SYNDIG1L: variants seen among roughly 807,000 people sequenced by gnomAD.
SYNDIG1L encodes synapse differentiation inducing 1 like, also known as synapse differentiation-inducing gene protein 1-like.
In SYNDIG1L, 13 loss-of-function variants were observed where a neutral mutation model predicts 20.1. That is an observed-to-expected ratio of 0.65 (90% CI 0.42 to 1.03). SYNDIG1L has a LOEUF of 1.03. SYNDIG1L is among the 50% of genes least tolerant of loss of function. The pLI is 0.00. For synonymous variants in SYNDIG1L, 128 were observed against 129.3 expected (o/e 0.99, Z 0.07); for missense variants, 294 against 305.1 (o/e 0.96, Z 0.27).
intron 3 of SYNDIG1L, 32 bp from the exon 4 acceptor site, chr14:74,407,725 T>C (rs769586742): frequency 6.3e-7 from 1 of 1,581,646 alleles, no homozygotes; most frequent in Non-Finnish European, 8.6e-7. Flanking sequence ...TGAACAGGAG[T>C]GTCCCCACAC....
chr14:74,431,239 G>C, the SYNDIG1L span, among the ~76,000 whole-genome samples: 96 of 151,894 alleles, frequency 6.3e-4, 1 homozygote, highest in Admixed American at 5.8e-3. Context: ...GCATGTGCGT[G>C]TGTGTGTGTG....
chr14:74,449,799 AATG>A, the SYNDIG1L span, among the ~76,000 whole-genome samples: 1 of 152,104 alleles, frequency 6.6e-6, no homozygotes, highest in Non-Finnish European at 1.5e-5. Flanking sequence ...AAAGTCTCAA[AATG>A]ATGATCTCAA....
chr14:74,417,718 T>C (rs1444890909), intron 1 of SYNDIG1L, among the ~76,000 whole-genome samples: 2 of 152,230 alleles, frequency 1.3e-5, no homozygotes, highest in African/African-American at 4.8e-5. Context: ...AGGGCATAAC[T>C]GCATGGAGCT....
the SYNDIG1L span, among the ~76,000 whole-genome samples, chr14:74,478,048 T>A: frequency 2.0e-5 from 3 of 152,256 alleles, no homozygotes; most frequent in Non-Finnish European, 2.9e-5. Context: ...TTTGCTCTGA[T>A]GGAAGGGTAT....
At chr14:74,460,359 C>T in the SYNDIG1L span, among the ~76,000 whole-genome samples, 123 of 152,038 alleles carry the variant, frequency 8.1e-4, no homozygotes, top group Non-Finnish European at 1.1e-3. Context: ...ATGTCACATC[C>T]CCAGGGACCC....
At chr14:74,457,478 A>C in the SYNDIG1L span, among the ~76,000 whole-genome samples, 1 of 151,236 alleles carries the variant, frequency 6.6e-6, no homozygotes, top group Non-Finnish European at 1.5e-5. Context: ...CCCTCCTTCC[A>C]TCCTCTGCGG....
At chr14:74,419,020 T>C (rs77331948) in intron 1 of SYNDIG1L, among the ~76,000 whole-genome samples, 288 of 152,296 alleles carry the variant, frequency 1.9e-3, no homozygotes, top group African/African-American at 6.8e-3. Context: ...CAGCAACAGA[T>C]CACTGGCACA....
the SYNDIG1L span, among the ~76,000 whole-genome samples, chr14:74,431,753 T>G: frequency 5.3e-5 from 8 of 152,154 alleles, no homozygotes; most frequent in Non-Finnish European, 1.2e-4. Flanking sequence ...AACTTCAAAA[T>G]GTACAGAGAA....
chr14:74,463,374 CAG>C, the SYNDIG1L span, among the ~76,000 whole-genome samples: 3 of 152,146 alleles, frequency 2.0e-5, no homozygotes, highest in African/African-American at 7.2e-5. Flanking sequence ...CAGGGTTCTG[CAG>C]AGTGTCCCTT....
At chr14:74,470,143 A>G in the SYNDIG1L span, among the ~76,000 whole-genome samples, 1 of 152,062 alleles carries the variant, frequency 6.6e-6, no homozygotes, top group African/African-American at 2.4e-5. Context: ...TCTGGCAACA[A>G]GTCTCTGTGC....
At chr14:74,410,402 G>A (rs1364442590) in intron 1 of SYNDIG1L, among the ~76,000 whole-genome samples, 2 of 152,196 alleles carry the variant, frequency 1.3e-5, no homozygotes, top group East Asian at 3.8e-4. Flanking sequence ...GTGTGGTGCA[G>A]GGCACAGATG....
At chr14:74,462,275 G>C in the SYNDIG1L span, among the ~76,000 whole-genome samples, 7 of 151,660 alleles carry the variant, frequency 4.6e-5, no homozygotes, top group Admixed American at 1.3e-4. Context: ...CCTGAGGTCA[G>C]GAGTTCGAGA....
At position 74,407,974 on chromosome 14, in the gene SYNDIG1L, T is replaced by C; in HGVS notation, c.433A>G (p.Thr145Ala). 3 of 1,612,068 alleles carry C rather than the reference T, an allele frequency of 1.9e-6. No individual in the cohort carries two copies. Among genetic ancestry groups the C allele is most frequent in the East Asian group, 2.2e-5 (1 of 44,856 alleles). ...QEEEESDATS[T>A]ESESEDNFLT... ...AAGTTGTCTTCACTTTCACTCTCCG[T>C]TGAAGTGGCATCGCTCTGCAAAACA... The change falls in exon 3 of 4, where the codon ACG (threonine) becomes GCG (alanine). Residue 145 changes from threonine (T) to alanine (A), a missense_variant. Coordinates refer to ENST00000331628, the MANE Select transcript of SYNDIG1L (RefSeq NM_001105579.2).
At chr14:74,408,938 G>A (rs375380072) in intron 2 of SYNDIG1L, among the ~76,000 whole-genome samples, 5 of 152,026 alleles carry the variant, frequency 3.3e-5, no homozygotes, top group Non-Finnish European at 5.9e-5. Flanking sequence ...TCAAAGCATC[G>A]GCTGTACATG....
chr14:74,436,205 CTTGAAATCCCTTACCCCACTCAT>C, the SYNDIG1L span, among the ~76,000 whole-genome samples: 2 of 149,118 alleles, frequency 1.3e-5, no homozygotes, highest in African/African-American at 5.0e-5. Flanking sequence ...ATTCTGCTTC[CTTGAAATCCCTTACCCCACTCAT>C]TTTTTTTTTT....
At chr14:74,442,799 G>A in the SYNDIG1L span, among the ~76,000 whole-genome samples, 1 of 152,204 alleles carries the variant, frequency 6.6e-6, no homozygotes, top group Non-Finnish European at 1.5e-5. Context: ...ACAGGATTTT[G>A]TAAGAGATTA....
the SYNDIG1L span, among the ~76,000 whole-genome samples, chr14:74,463,513 T>C: frequency 2.0e-5 from 3 of 152,184 alleles, no homozygotes; most frequent in Non-Finnish European, 4.4e-5. Flanking sequence ...CTCTTCCCAC[T>C]GTCGTCAGTT....
chr14:74,454,237 T>C, the SYNDIG1L span, among the ~76,000 whole-genome samples: 4 of 152,234 alleles, frequency 2.6e-5, no homozygotes, highest in Non-Finnish European at 5.9e-5. Context: ...TCTGAAGTAC[T>C]ACCTACTATT....
chr14:74,417,375 G>A (rs2086185184), intron 1 of SYNDIG1L, among the ~76,000 whole-genome samples: 1 of 152,168 alleles, frequency 6.6e-6, no homozygotes. Flanking sequence ...GACCTGATTG[G>A]GAGGAGGCAT....
Sources: gnomAD v4.1 joint callset for allele counts (sites outside exome capture counted in the v4.1 genomes callset) on GRCh38, gnomAD v4.1.1 for gene constraint, MANE v1.5 for transcripts, NCBI Gene and HGNC (gene_info 2026-07-23, HGNC 2026-07-21) for gene names.